GRIK1: variants seen among roughly 807,000 people sequenced by gnomAD.
The protein encoded by GRIK1 is glutamate receptor ionotropic, kainate 1.
A neutral mutation model predicts 105.7 loss-of-function variants in GRIK1; 69 were observed. The observed-to-expected ratio is 0.65, with a 90% CI of 0.54 to 0.80. GRIK1 has a LOEUF of 0.80. Among genes scored for constraint, GRIK1 ranks in the 30% least tolerant of loss-of-function variants. GRIK1 has a pLI of 0.00. For missense variants in GRIK1, 1,109 were observed against 1,167.3 expected (o/e 0.95, Z 0.73); for synonymous variants, 438 against 431.3 (o/e 1.02, Z -0.19).
At chr21:29,756,842 G>A (rs551596337) in intron 1 of GRIK1, among the ~76,000 whole-genome samples, 120 of 152,200 alleles carry the variant, frequency 7.9e-4, no homozygotes, top group African/African-American at 2.6e-3. Context: ...GGCCGGGCGC[G>A]GTGGCTCACA....
chr21:29,786,265 G>A (rs899733293), intron 1 of GRIK1, among the ~76,000 whole-genome samples: 4 of 152,166 alleles, frequency 2.6e-5, no homozygotes, highest in Non-Finnish European at 5.9e-5. Flanking sequence ...GGGAATACCC[G>A]CGTGAGCCAC....
intron 1 of GRIK1, among the ~76,000 whole-genome samples, chr21:29,718,905 A>T (rs2064244988): frequency 6.6e-6 from 1 of 152,132 alleles, no homozygotes; most frequent in Non-Finnish European, 1.5e-5. Flanking sequence ...GAAGTTGTGA[A>T]ACTGTTTCTT....
chr21:29,691,786 C>A (rs2063588828), intron 2 of GRIK1, among the ~76,000 whole-genome samples: 1 of 152,124 alleles, frequency 6.6e-6, no homozygotes, highest in African/African-American at 2.4e-5. Context: ...TTAATTCAGA[C>A]AGAATAACTG....
At chr21:29,553,298 A>T (rs2090168009) in intron 16 of GRIK1, 2 of 1,082,556 alleles carry the variant, frequency 1.8e-6, no homozygotes, top group Non-Finnish European at 2.2e-6. Flanking sequence ...TAGAACTAAG[A>T]TGATGAGTGG....
At chr21:29,760,592 T>C (rs1212153443) in intron 1 of GRIK1, 2 of 152,220 alleles carry the variant, frequency 1.3e-5, no homozygotes, top group South Asian at 2.1e-4. Context: ...CATCACTCCA[T>C]GGGTGGCACC....
chr21:29,914,830 A>C (rs2070938523), intron 1 of GRIK1, among the ~76,000 whole-genome samples: 1 of 152,034 alleles, frequency 6.6e-6, no homozygotes, highest in East Asian at 1.9e-4. Context: ...AAAAAAAATA[A>C]GCCCTTGTGG....
chr21:29,665,113 T>G (rs1382973038), intron 4 of GRIK1, among the ~76,000 whole-genome samples: 1 of 152,222 alleles, frequency 6.6e-6, no homozygotes, highest in Non-Finnish European at 1.5e-5. Context: ...ATGGTTTTTC[T>G]CGCTTCCCAA....
At chr21:29,935,624 G>A (rs2146375036) in intron 1 of GRIK1, among the ~76,000 whole-genome samples, 1 of 152,128 alleles carries the variant, frequency 6.6e-6, no homozygotes, top group East Asian at 1.9e-4. Context: ...CCTCTCTCAA[G>A]GAAATAAAAG....
rs574786354 is a variant in GRIK1 at position 29,926,959 on chromosome 21, A to C, written c.118+12424T>G. Among the ~76,000 whole-genome samples the C allele has an allele frequency of 2.6e-5, 4 of 152,296 alleles. No homozygotes were observed. In the East Asian group the frequency reaches 7.7e-4, roughly 29 times the overall value. ...CGAGGTTAATTGGAGCCTGGATGAT[A>C]GCATGTGTTCCCTGTTGTTCAATCT... On this transcript the variant is annotated intron_variant, in intron 1 of 17. Coordinates refer to ENST00000327783, the MANE Select transcript of GRIK1 (RefSeq NM_001330994.2).
chr21:29,833,085 C>T (rs749963674), intron 1 of GRIK1, among the ~76,000 whole-genome samples: 3 of 152,172 alleles, frequency 2.0e-5, no homozygotes, highest in African/African-American at 7.2e-5. Context: ...AGGGTAGGGG[C>T]ACAATGCCTC....
chr21:29,791,052 C>A (rs2066399861), intron 1 of GRIK1, among the ~76,000 whole-genome samples: 1 of 152,096 alleles, frequency 6.6e-6, no homozygotes, highest in Admixed American at 6.6e-5. Context: ...ACAGTTAGTG[C>A]AAAAGTCCTC....
chr21:29,846,103 C>A (rs1601838119), intron 1 of GRIK1, among the ~76,000 whole-genome samples: 1 of 152,070 alleles, frequency 6.6e-6, no homozygotes, highest in East Asian at 1.9e-4. Context: ...AATAGAAATG[C>A]TTCTTGACCG....
chr21:29,570,975 T>A (rs1287148358), intron 14 of GRIK1, among the ~76,000 whole-genome samples: 2 of 152,178 alleles, frequency 1.3e-5, no homozygotes, highest in Non-Finnish European at 2.9e-5. Flanking sequence ...ATGAGCAATG[T>A]TGCTCCATAT....
At chr21:29,624,428 T>G (rs571776327) in intron 7 of GRIK1, among the ~76,000 whole-genome samples, 7 of 152,170 alleles carry the variant, frequency 4.6e-5, no homozygotes, top group Non-Finnish European at 1.0e-4. Context: ...GAAGTCATTT[T>G]TTAAAGGCAT....
At chr21:29,604,380 T>C (rs1263303311) in intron 7 of GRIK1, among the ~76,000 whole-genome samples, 1 of 152,204 alleles carries the variant, frequency 6.6e-6, no homozygotes, top group Non-Finnish European at 1.5e-5. Flanking sequence ...TACCCATGTC[T>C]TCCTGCCTCT....
In GRIK1 at chr21:29,589,034, G is replaced by A; in HGVS notation, c.1374C>T (p.Pro458=). 1.9e-6 allele frequency: 3 copies of A among 1,572,838 alleles called. No homozygotes were observed. Among genetic ancestry groups the A allele is most frequent in the Non-Finnish European group, 2.6e-6 (3 of 1,144,754 alleles). The change falls in exon 11 of 18, where the codon CCC becomes CCT. Residue 458 remains proline (P), a synonymous_variant. Transcript: ENST00000327783. The stretch of plus-strand genomic sequence containing the variant: ...TATCAGATTTCCTGTACATAACATA[G>A]GGTTCTTCCTAAATGAAACAAACCA... The part of the protein sequence containing the change: ...TLIVTTILEE[P]YVMYRKSDKP...
chr21:29,923,754 G>A (rs568076523), intron 1 of GRIK1, among the ~76,000 whole-genome samples: 1 of 152,246 alleles, frequency 6.6e-6, no homozygotes, highest in South Asian at 2.1e-4. Context: ...GACAAACAAC[G>A]TTTAGTTATT....
At chr21:29,714,659 G>A (rs1229089610) in intron 1 of GRIK1, among the ~76,000 whole-genome samples, 1 of 152,188 alleles carries the variant, frequency 6.6e-6, no homozygotes, top group African/African-American at 2.4e-5. Flanking sequence ...TTCTTTCTAA[G>A]ATGCAAATCA....
chr21:29,824,851 C>A (rs577403301), intron 1 of GRIK1, among the ~76,000 whole-genome samples: 93 of 152,060 alleles, frequency 6.1e-4, no homozygotes, highest in Admixed American at 3.5e-3. Context: ...ACTGACTTCG[C>A]TGTGGAGAAT....
Sources: allele counts gnomAD v4.1 joint callset (sites outside exome capture counted in the v4.1 genomes callset), GRCh38; gene constraint gnomAD v4.1.1; transcripts MANE v1.5; gene names NCBI Gene and HGNC (gene_info 2026-07-23, HGNC 2026-07-21).